The following ANO2 variants were observed in gnomAD, a reference collection of about 807,000 sequenced individuals.
The protein encoded by ANO2 is anoctamin 2.
In ANO2, 101 loss-of-function variants were observed where a neutral mutation model predicts 124.2. The observed-to-expected ratio is 0.81, with a 90% CI of 0.69 to 0.96. The LOEUF (loss-of-function observed/expected upper bound fraction) is 0.96, where lower values mean the gene tolerates loss of function less well. Ranked by LOEUF, ANO2 falls within the 40% of genes least tolerant of loss-of-function variation. The pLI, the probability that ANO2 is intolerant of heterozygous loss-of-function variation, is 0.00. For missense variants in ANO2, 1,293 were observed against 1,274.5 expected, an observed-to-expected ratio of 1.01 and a Z score of -0.22; for synonymous variants, 486 against 482.5, an observed-to-expected ratio of 1.01 and a Z score of -0.09.
intron 3 of ANO2, among the ~76,000 whole-genome samples, chr12:5,893,952 A>G (rs112534994): frequency 0.11 from 16,766 of 152,104 alleles, 2,119 homozygotes; most frequent in African/African-American, 0.31. Flanking sequence ...ATAAACATAC[A>G]TGTGCATGTG....
At chr12:5,917,422 T>C (rs1313278205) in intron 3 of ANO2, among the ~76,000 whole-genome samples, 1 of 152,234 alleles carries the variant, frequency 6.6e-6, no homozygotes, top group East Asian at 1.9e-4. Context: ...TGCTGCATTT[T>C]TGTTTGCTAA....
intron 1 of ANO2, among the ~76,000 whole-genome samples, chr12:5,934,739 T>C (rs1942576561): frequency 6.6e-6 from 1 of 152,228 alleles, no homozygotes. Context: ...TTGCTCTGTT[T>C]GCTCTTCCAT....
chr12:5,794,138 G>A (rs1395002146), intron 10 of ANO2, among the ~76,000 whole-genome samples: 1 of 152,200 alleles, frequency 6.6e-6, no homozygotes, highest in African/African-American at 2.4e-5. Context: ...ATAGACTTCA[G>A]GCCTATGAGG....
intron 19 of ANO2, among the ~76,000 whole-genome samples, chr12:5,610,966 T>TCC (rs1944514327): frequency 7.2e-6 from 1 of 139,652 alleles, no homozygotes; most frequent in Non-Finnish European, 1.5e-5. Flanking sequence ...GGAACAAACT[T>TCC]CTCTGCTTTT....
At chr12:5,666,911 G>T (rs1947756569) in intron 14 of ANO2, among the ~76,000 whole-genome samples, 1 of 152,176 alleles carries the variant, frequency 6.6e-6, no homozygotes, top group Admixed American at 6.5e-5. Flanking sequence ...ATTGTATCAG[G>T]TCTACCCCCA....
chr12:5,790,990 T>C (rs1287573651), intron 10 of ANO2, among the ~76,000 whole-genome samples: 1 of 152,168 alleles, frequency 6.6e-6, no homozygotes, highest in African/African-American at 2.4e-5. Context: ...TGTAGCATCC[T>C]CACTCTAGTC....
At chr12:5,767,231 T>C (rs1283754854) in intron 10 of ANO2, among the ~76,000 whole-genome samples, 2 of 152,152 alleles carry the variant, frequency 1.3e-5, no homozygotes, top group Non-Finnish European at 2.9e-5. Flanking sequence ...TTCTTAGTAG[T>C]GTCATGGGCA....
Position 5,799,506 on chromosome 12 carries a change from C to A in ANO2, c.1055+1G>T. 6.2e-7 allele frequency: 1 copy of A among 1,613,468 alleles called. No homozygotes were observed. The highest frequency in any genetic ancestry group is 8.5e-7 in the Non-Finnish European group (1 of 1,179,536). ...TCCAAAAGTTCCCTACCACCTCTTA[C>A]CTGATGAGGTCAATAGGTTGGAACT... is the stretch of plus-strand genomic sequence containing the variant. On this transcript the variant is annotated splice_donor_variant, in intron 10 of 24. Transcript: ENST00000682330. LOFTEE classifies it high-confidence loss of function.
chr12:5,842,314 A>G lies in ANO2; in HGVS notation c.634-9711T>C, dbSNP rs1038602047. Among the ~76,000 whole-genome samples the G allele has an allele frequency of 2.6e-5, 4 of 152,302 alleles. No individual in the cohort carries two copies. In the South Asian group the frequency reaches 8.3e-4, roughly 32 times the overall value. On this transcript the variant is annotated intron_variant, in intron 4 of 24. Coordinates refer to ENST00000682330, the MANE Select transcript of ANO2 (RefSeq NM_001364791.2). Reference sequence around the variant, plus strand: ...TGGTGTATGGTAATACTCAATAAATATTCATTGGATGGTCGGAGGGGTGGA... The same window carrying G: ...TGGTGTATGGTAATACTCAATAAATGTTCATTGGATGGTCGGAGGGGTGGA...
At chr12:5,752,403 A>G (rs1433296904) in intron 10 of ANO2, among the ~76,000 whole-genome samples, 2 of 152,184 alleles carry the variant, frequency 1.3e-5, no homozygotes, top group East Asian at 3.8e-4. Context: ...TAGCATTCTA[A>G]TAAGTGTGAA....
chr12:5,906,381 G>C (rs1288523351), intron 3 of ANO2, among the ~76,000 whole-genome samples: 1 of 151,602 alleles, frequency 6.6e-6, no homozygotes, highest in East Asian at 1.9e-4. Flanking sequence ...AAAAAAAGAG[G>C]CCATCCATGG....
intron 16 of ANO2, among the ~76,000 whole-genome samples, chr12:5,621,777 T>A (rs1306158988): frequency 7.0e-6 from 1 of 142,380 alleles, no homozygotes; most frequent in African/African-American, 2.6e-5. Context: ...CGAGAGAGAT[T>A]AGGGAAACAG....
intron 7 of ANO2, among the ~76,000 whole-genome samples, chr12:5,808,724 T>A (rs1953284854): frequency 6.6e-6 from 1 of 152,148 alleles, no homozygotes; most frequent in South Asian, 2.1e-4. Flanking sequence ...CGAGGTTGGA[T>A]AACAAATCTA....
At chr12:5,891,703 G>T (rs996879912) in intron 3 of ANO2, among the ~76,000 whole-genome samples, 4 of 152,214 alleles carry the variant, frequency 2.6e-5, no homozygotes, top group Non-Finnish European at 4.4e-5. Context: ...CTGGCCACTT[G>T]ATAGCATCCA....
chr12:5,689,297 T>C (rs371157961), intron 14 of ANO2, among the ~76,000 whole-genome samples: 1 of 152,012 alleles, frequency 6.6e-6, no homozygotes, highest in East Asian at 1.9e-4. Context: ...GAACAGGAGA[T>C]ACGAGGAGTT....
intron 16 of ANO2, among the ~76,000 whole-genome samples, chr12:5,619,852 G>A (rs2136916591): frequency 6.6e-6 from 1 of 152,336 alleles, no homozygotes; most frequent in South Asian, 2.1e-4. Flanking sequence ...TGCAGCTGGC[G>A]AGGGAAACTG....
At chr12:5,696,177 A>C (rs918662114) in intron 14 of ANO2, among the ~76,000 whole-genome samples, 6 of 152,196 alleles carry the variant, frequency 3.9e-5, no homozygotes, top group African/African-American at 1.4e-4. Flanking sequence ...ATAGAAGACA[A>C]ACAATAGGAA....
chr12:5,892,295 A>G (rs1939472427), intron 3 of ANO2, among the ~76,000 whole-genome samples: 1 of 152,200 alleles, frequency 6.6e-6, no homozygotes. Context: ...AGGCAAACCA[A>G]AAACATCTAA....
At chr12:5,849,440 G>A (rs116024184) in intron 4 of ANO2, among the ~76,000 whole-genome samples, 189 of 152,336 alleles carry the variant, frequency 1.2e-3, no homozygotes, top group African/African-American at 4.5e-3. Flanking sequence ...AGCCATCTTG[G>A]TAATGAGCAG....
Sources: gnomAD v4.1 joint callset for allele counts (sites outside exome capture counted in the v4.1 genomes callset) on GRCh38, gnomAD v4.1.1 for gene constraint, MANE v1.5 for transcripts, NCBI Gene and HGNC (gene_info 2026-07-23, HGNC 2026-07-21) for gene names.